XKRX: variants seen among roughly 807,000 people sequenced by gnomAD.
The protein encoded by XKRX is XK related X-linked.
Under a neutral mutation model 22.4 loss-of-function variants are expected in XKRX, and 11 were observed. That is an observed-to-expected ratio of 0.49 (90% CI 0.31 to 0.81). The LOEUF (loss-of-function observed/expected upper bound fraction) is 0.81, where lower values mean the gene tolerates loss of function less well. Among genes scored for constraint, XKRX ranks in the 40% least tolerant of loss-of-function variants. The pLI, the probability that XKRX is intolerant of heterozygous loss-of-function variation, is 0.05. For missense variants in XKRX, 320 were observed against 336.5 expected (o/e 0.95, Z 0.38); for synonymous variants, 114 against 132.2 (o/e 0.86, Z 0.94).
the XKRX span, chrX:100,957,680 A>C: frequency 5.0e-6 from 2 of 402,151 alleles, no homozygotes; most frequent in East Asian, 7.8e-5. Flanking sequence ...GTTCAACTTG[A>C]TGAGAGATGA....
At chrX:100,943,958 G>A in the XKRX span, among the ~76,000 whole-genome samples, 5 of 111,711 alleles carry the variant, frequency 4.5e-5, no homozygotes, top group African/African-American at 1.6e-4. Flanking sequence ...TCTAGGAGTG[G>A]TATTACTTGG....
the XKRX span, among the ~76,000 whole-genome samples, chrX:100,905,644 A>G: frequency 8.9e-6 from 1 of 112,266 alleles, no homozygotes. Context: ...TTTTACAAAA[A>G]TGGGATCATT....
chrX:100,911,999 C>T (rs1192213900), downstream of XKRX, among the ~76,000 whole-genome samples: 2 of 111,537 alleles, frequency 1.8e-5, no homozygotes, highest in Non-Finnish European at 3.8e-5. Flanking sequence ...CCCTGTGTAG[C>T]GTCATTTTAT....
intron 2 of XKRX, among the ~76,000 whole-genome samples, chrX:100,922,033 T>C (rs984016534): frequency 1.1e-4 from 12 of 108,730 alleles, no homozygotes; most frequent in Non-Finnish European, 2.3e-4. Context: ...CGGGTTTTCA[T>C]CATGTTAGCC....
intron 2 of XKRX, among the ~76,000 whole-genome samples, chrX:100,921,908 A>G (rs751866390): frequency 0.01 from 933 of 92,667 alleles, 10 homozygotes; most frequent in African/African-American, 0.039. Flanking sequence ...ATCTCGGCTC[A>G]CTGCAAGCTC....
Position 100,914,195 on chromosome X carries a change from T to C in XKRX, c.*143A>G. ...TAAGAAAATAAAACCTATTTGGGAG[T>C]TGCTCTTTCTTCTGATAGGCTTAAC... On this transcript the variant is annotated 3_prime_UTR_variant, in exon 3 of 3. Transcript: ENST00000372956. The C allele has an allele frequency of 1.5e-6, 1 of 681,265 alleles. No homozygotes were observed. The highest frequency in any genetic ancestry group is 3.1e-5 in the Admixed American group (1 of 32,495). The allele number at this position is 681,265 out of a possible 1,213,427, so 56.1% of individuals were successfully genotyped here. A position where few individuals can be genotyped will look rare whatever the true frequency, so the allele number is the denominator to read the frequency against.
intron 2 of XKRX, among the ~76,000 whole-genome samples, chrX:100,918,206 A>G (rs1351619401): frequency 1.8e-5 from 2 of 111,812 alleles, no homozygotes; most frequent in Non-Finnish European, 3.8e-5. Flanking sequence ...TTAGTGGAGG[A>G]AAAGTTAAGA....
intron 2 of XKRX, among the ~76,000 whole-genome samples, chrX:100,916,525 G>A (rs1336693202): frequency 8.9e-6 from 1 of 112,072 alleles, no homozygotes; most frequent in East Asian, 2.8e-4. Context: ...TGAATAAGGC[G>A]GAAAGAACTC....
At chrX:100,931,346 C>T (rs1179046164), upstream of XKRX, among the ~76,000 whole-genome samples, 1 of 110,341 alleles carries the variant, frequency 9.1e-6, no homozygotes, top group Non-Finnish European at 1.9e-5. Context: ...AATCATCACA[C>T]TACTTCCCTC....
chrX:100,932,331 G>A (rs761223464), upstream of XKRX, among the ~76,000 whole-genome samples: 15 of 111,352 alleles, frequency 1.3e-4, no homozygotes, highest in South Asian at 5.8e-3. Flanking sequence ...AGGCTGCTGA[G>A]GCTCTAGGAA....
upstream of XKRX, among the ~76,000 whole-genome samples, chrX:100,931,247 C>T (rs1261125606): frequency 9.0e-6 from 1 of 110,887 alleles, no homozygotes; most frequent in Non-Finnish European, 1.9e-5. Flanking sequence ...TTCTCCATGG[C>T]CTTGTCTCTC....
the XKRX span, chrX:100,956,873 G>A: frequency 4.7e-6 from 4 of 843,626 alleles, no homozygotes; most frequent in Non-Finnish European, 7.1e-6. Flanking sequence ...GTCAAGTCTA[G>A]CCTAGAATTT....
chrX:100,922,707 A>C, intron 2 of XKRX, 86 bp downstream of exon 2: 1 of 920,332 alleles, frequency 1.1e-6, no homozygotes, highest in Non-Finnish European at 1.5e-6. Flanking sequence ...ACATGAAGCT[A>C]GTGGCCAGTT....
the XKRX span, among the ~76,000 whole-genome samples, chrX:100,935,262 C>T: frequency 1.8e-5 from 2 of 110,402 alleles, no homozygotes; most frequent in African/African-American, 3.3e-5. Flanking sequence ...GGAGAGGGGG[C>T]TTAGGAATCT....
chrX:100,936,540 C>CAAAAAAAAAAAAAAAAAAAAAAAA, the XKRX span, among the ~76,000 whole-genome samples: 50 of 25,412 alleles, frequency 2.0e-3, no homozygotes, highest in Admixed American at 4.1e-3. Flanking sequence ...GACTCTGTCT[C>CAAAAAAAAAAAAAAAAAAAAAAAA]AAAAAAAAAA....
At chrX:100,893,110 T>C in the XKRX span, among the ~76,000 whole-genome samples, 2 of 111,919 alleles carry the variant, frequency 1.8e-5, no homozygotes, top group Non-Finnish European at 3.8e-5. Context: ...CTCACTTATG[T>C]GTAGAATCTT....
downstream of XKRX, chrX:100,910,585 T>TAAA (rs36011977): frequency 4.8e-4 from 72 of 148,796 alleles, no homozygotes; most frequent in Middle Eastern, 2.2e-3. Context: ...AATTCCGTCT[T>TAAA]AAAAAAAAAA....
At position 100,922,926 on chromosome X, in the gene XKRX, G is replaced by A. The variant is rs917041208; in HGVS notation, c.471C>T (p.Ser157=). The change falls in exon 2 of 3, where the codon TCC becomes TCT. Residue 157 remains serine (S), a synonymous_variant. Coordinates refer to ENST00000372956, the MANE Select transcript of XKRX (RefSeq NM_212559.3). ...TGCGGTGCATAGCCAGGGTCCGGATGGAGTGGCCCACCTCCCATTCTATCA... is the reference window on the plus strand; with the variant it reads ...TGCGGTGCATAGCCAGGGTCCGGATAGAGTGGCCCACCTCCCATTCTATCA... ...EVLIEWEVGH[S]IRTLAMHRNA... 1.7e-6 allele frequency: 2 copies of A among 1,211,575 alleles called. No individual in the cohort carries two copies. Among genetic ancestry groups the A allele is most frequent in the Non-Finnish European group, 2.2e-6 (2 of 895,486 alleles).
chrX:100,899,514 CA>C, the XKRX span, among the ~76,000 whole-genome samples: 1 of 111,546 alleles, frequency 9.0e-6, no homozygotes, highest in Non-Finnish European at 1.9e-5. Flanking sequence ...GACCCTGTCT[CA>C]AAAAAGAGAG....
Sources: gnomAD v4.1 joint callset for allele counts (sites outside exome capture counted in the v4.1 genomes callset) on GRCh38, gnomAD v4.1.1 for gene constraint, MANE v1.5 for transcripts, NCBI Gene and HGNC (gene_info 2026-07-23, HGNC 2026-07-21) for gene names.